The following TEC variants were observed in gnomAD, a reference collection of about 807,000 sequenced individuals.
TEC encodes tec protein tyrosine kinase, also known as tyrosine-protein kinase Tec.
A neutral mutation model predicts 93.0 loss-of-function variants in TEC; 72 were observed. That is an observed-to-expected ratio of 0.77 (90% confidence interval 0.64 to 0.94). The LOEUF (loss-of-function observed/expected upper bound fraction) is 0.94, where lower values mean the gene tolerates loss of function less well. Ranked by LOEUF, TEC falls within the 40% of genes least tolerant of loss-of-function variation. The pLI, the probability that TEC is intolerant of heterozygous loss-of-function variation, is 0.00. For missense variants in TEC, 630 were observed against 757.9 expected, an observed-to-expected ratio of 0.83 and a Z score of 1.98; for synonymous variants, 249 against 247.7, an observed-to-expected ratio of 1.01 and a Z score of -0.05.
chr4:48,230,646 C>G (rs1723620464), intron 1 of TEC, among the ~76,000 whole-genome samples: 1 of 152,158 alleles, frequency 6.6e-6, no homozygotes, highest in African/African-American at 2.4e-5. Context: ...ATCCTGAATG[C>G]CTCCCCACGA....
intron 1 of TEC, among the ~76,000 whole-genome samples, chr4:48,257,878 T>C (rs562421557): frequency 6.6e-6 from 1 of 152,334 alleles, no homozygotes; most frequent in Admixed American, 6.5e-5. Context: ...ATATTTGCTT[T>C]CTTTAAATCC....
At chr4:48,250,620 C>T (rs1446226050) in intron 1 of TEC, among the ~76,000 whole-genome samples, 5 of 152,154 alleles carry the variant, frequency 3.3e-5, no homozygotes, top group African/African-American at 4.8e-5. Flanking sequence ...TGAGGGTAAG[C>T]CCAAACTAGC....
chr4:48,223,303 T>C (rs1723326591), intron 2 of TEC, among the ~76,000 whole-genome samples: 1 of 152,120 alleles, frequency 6.6e-6, no homozygotes, highest in Non-Finnish European at 1.5e-5. Flanking sequence ...CAAACAAAAA[T>C]ATCCATGAAA....
intron 2 of TEC, among the ~76,000 whole-genome samples, chr4:48,217,465 G>T (rs191155368): frequency 6.6e-6 from 1 of 152,104 alleles, no homozygotes; most frequent in Non-Finnish European, 1.5e-5. Context: ...GGTGGGGAGG[G>T]ACACCTTCAG....
chr4:48,142,920 G>T (rs565819582), intron 14 of TEC, among the ~76,000 whole-genome samples: 1 of 152,244 alleles, frequency 6.6e-6, no homozygotes, highest in East Asian at 1.9e-4. Context: ...TTGACTTCGT[G>T]ATCCGCCCGC....
rs1055359016 is a variant in TEC, at chr4:48,235,074, G to GA, written c.-45-6416dup. 1.0e-3 allele frequency among the ~76,000 whole-genome samples: 144 copies of GA among 143,366 alleles called. 1 individual carries two copies. In the East Asian group the frequency reaches 0.012, roughly 12 times the overall value. 94.1% of individuals were successfully genotyped at this position (143,366 alleles called of 152,430 possible). Reference sequence around the variant, plus strand: ...TGGGAACAAGGAAACAGAATAATAGGAAAAAAAAAAAGCTGATTAGTAACA... The same window carrying GA: ...TGGGAACAAGGAAACAGAATAATAGGAAAAAAAAAAAAGCTGATTAGTAACA... On this transcript the variant is annotated intron_variant, in intron 1 of 17. Coordinates refer to ENST00000381501, the MANE Select transcript of TEC (RefSeq NM_003215.3).
In TEC at chr4:48,206,814, T is replaced by C. The variant is rs536560843; in HGVS notation, c.138+21663A>G. Among the ~76,000 whole-genome samples the C allele has an allele frequency of 2.7e-5, 4 of 149,198 alleles. No individual in the cohort carries two copies. In the South Asian group the frequency reaches 6.4e-4, roughly 24 times the overall value. ...AAAAAAAAAAAATGAAAACAATTAG[T>C]TGGGCACGGTGATATGCACCTGTAG... On this transcript the variant is annotated intron_variant, in intron 2 of 17. Transcript: ENST00000381501.
intron 2 of TEC, among the ~76,000 whole-genome samples, chr4:48,221,380 G>A (rs111534719): frequency 0.03 from 4,548 of 152,210 alleles, 92 homozygotes; most frequent in Non-Finnish European, 0.039. Context: ...TTTATAAGGG[G>A]CTTTTCCCGC....
rs907551952 is a variant in TEC at position 48,137,081 on chromosome 4, C to G, written c.*335G>C. The G allele has an allele frequency of 4.4e-6, 1 of 227,496 alleles. No individual in the cohort carries two copies. Among genetic ancestry groups the G allele is most frequent in the African/African-American group, 2.3e-5 (1 of 43,560 alleles). 14.1% of individuals were successfully genotyped at this position (227,496 alleles called of 1,614,324 possible). On this transcript the variant is annotated 3_prime_UTR_variant, in exon 18 of 18. Coordinates refer to ENST00000381501, the MANE Select transcript of TEC (RefSeq NM_003215.3). ...CCTTCCCAAATACCCTGGCCTTCAA[C>G]TGGCATCAGCTAACATGGTCCCATG...
chr4:48,259,591 C>T (rs1221067677), intron 1 of TEC, among the ~76,000 whole-genome samples: 1 of 151,908 alleles, frequency 6.6e-6, no homozygotes, highest in Non-Finnish European at 1.5e-5. Context: ...TGGCACATGC[C>T]TATAGTCCCA....
intron 3 of TEC, 73 bp from the exon 4 acceptor site, chr4:48,171,522 G>T (rs2109548257): frequency 1.8e-6 from 2 of 1,128,636 alleles, no homozygotes; most frequent in Non-Finnish European, 2.5e-6. Context: ...CAGAACCCTT[G>T]GTACTACAGA....
At chr4:48,242,774 C>T (rs1286179160) in intron 1 of TEC, among the ~76,000 whole-genome samples, 1 of 152,162 alleles carries the variant, frequency 6.6e-6, no homozygotes, top group Non-Finnish European at 1.5e-5. Context: ...CTCTCATGCT[C>T]TTGTCTCTTT....
chr4:48,173,297 T>C (rs1560389401), intron 3 of TEC, among the ~76,000 whole-genome samples: 1 of 151,768 alleles, frequency 6.6e-6, no homozygotes, highest in African/African-American at 2.4e-5. Context: ...GCTAACCGCC[T>C]CCCCCCACCA....
intron 1 of TEC, among the ~76,000 whole-genome samples, chr4:48,255,718 TATAG>T (rs2109674555): frequency 6.6e-6 from 1 of 152,350 alleles, no homozygotes; most frequent in Admixed American, 6.5e-5. Context: ...ACCTACCTCC[TATAG>T]ATATTGTGGG....
chr4:48,148,487 T>G (rs1450398356), intron 11 of TEC, among the ~76,000 whole-genome samples: 2 of 152,150 alleles, frequency 1.3e-5, no homozygotes, highest in Non-Finnish European at 2.9e-5. Context: ...GTATTCAGTT[T>G]GTTCCCACTC....
At chr4:48,155,642 G>C (rs1720368617) in intron 9 of TEC, 1 of 152,174 alleles carries the variant, frequency 6.6e-6, no homozygotes, top group Non-Finnish European at 1.5e-5. Context: ...TCATAAAATG[G>C]AAATAGTTGA....
intron 9 of TEC, chr4:48,155,657 G>C (rs1271960047): frequency 6.6e-6 from 1 of 152,200 alleles, no homozygotes; most frequent in Non-Finnish European, 1.5e-5. Context: ...AGTTGATACA[G>C]GATCACACTA....
At chr4:48,203,472 C>T (rs1176322216) in intron 2 of TEC, among the ~76,000 whole-genome samples, 2 of 152,204 alleles carry the variant, frequency 1.3e-5, no homozygotes, top group African/African-American at 4.8e-5. Flanking sequence ...GTGCTTCTCA[C>T]AAATGCATAC....
chr4:48,196,170 G>A (rs1039467542), intron 2 of TEC, among the ~76,000 whole-genome samples: 8 of 152,310 alleles, frequency 5.3e-5, no homozygotes, highest in African/African-American at 1.9e-4. Context: ...AGAGGAGACT[G>A]GCATGCAAGT....
Sources: gnomAD v4.1 joint callset for allele counts (sites outside exome capture counted in the v4.1 genomes callset) on GRCh38, gnomAD v4.1.1 for gene constraint, MANE v1.5 for transcripts, NCBI Gene and HGNC (gene_info 2026-07-23, HGNC 2026-07-21) for gene names.